Variants in DIP2C observed in about 807,000 individuals in gnomAD.
The protein encoded by DIP2C is disco-interacting protein 2 homolog C.
DIP2C carries 33 observed loss-of-function variants against 192.4 expected under a neutral mutation model. That is an observed-to-expected ratio of 0.17 (90% CI 0.13 to 0.23). DIP2C has a LOEUF of 0.23. DIP2C is among the 10% of genes least tolerant of loss of function. The pLI, the probability that DIP2C is intolerant of heterozygous loss-of-function variation, is 1.00. For synonymous variants in DIP2C, 979 were observed against 864.1 expected (o/e 1.13, Z -2.33); for missense variants, 1,537 against 2,110.1 (o/e 0.73, Z 5.32).
At chr10:374,907 A>G (rs1270563516) in intron 17 of DIP2C, among the ~76,000 whole-genome samples, 2 of 152,198 alleles carry the variant, frequency 1.3e-5, no homozygotes, top group East Asian at 3.9e-4. Context: ...ATCAACTTCC[A>G]AACTCAGTTC....
Position 666,199 on chromosome 10 carries a change from T to C in DIP2C, c.85+23295A>G, listed in dbSNP as rs1360311917. 6.6e-6 allele frequency: 1 copy of C among 152,204 alleles called. No homozygotes were observed. The highest frequency in any genetic ancestry group is 2.4e-5 in the African/African-American group (1 of 41,450). 9.4% of individuals were successfully genotyped at this position (152,204 alleles called of 1,614,324 possible). A position where few individuals can be genotyped will look rare whatever the true frequency, so the allele number is the denominator to read the frequency against. On this transcript the variant is annotated intron_variant, in intron 1 of 36. Transcript: ENST00000280886. This position sits in a 1 kb window ranked among gnomAD's most constrained non-coding sequence, Gnocchi z 4.1. ...TGTTTTCTCCGAACTGGCCTTATTATTATTAATTATTCCTTCAGCACCTAC... is the reference window on the plus strand; with the variant it reads ...TGTTTTCTCCGAACTGGCCTTATTACTATTAATTATTCCTTCAGCACCTAC...
At chr10:490,706 T>C (rs1469784192) in intron 1 of DIP2C, among the ~76,000 whole-genome samples, 1 of 152,238 alleles carries the variant, frequency 6.6e-6, no homozygotes, top group Non-Finnish European at 1.5e-5. Context: ...GCAGTAATTG[T>C]AACCTCAGTG....
intron 31 of DIP2C, among the ~76,000 whole-genome samples, chr10:321,315 T>C (rs1412358267): frequency 6.6e-6 from 1 of 152,182 alleles, no homozygotes; most frequent in African/African-American, 2.4e-5. Flanking sequence ...GTCATAACAC[T>C]CATGAACTGT....
At chr10:486,852 G>C (rs565635246) in intron 1 of DIP2C, among the ~76,000 whole-genome samples, 2 of 152,202 alleles carry the variant, frequency 1.3e-5, no homozygotes, top group African/African-American at 2.4e-5. Flanking sequence ...CCTGGTGGCC[G>C]GGGCTCTCGT....
intron 1 of DIP2C, among the ~76,000 whole-genome samples, chr10:565,159 C>T (rs1402320577): frequency 3.9e-5 from 6 of 152,138 alleles, no homozygotes; most frequent in East Asian, 3.9e-4. Flanking sequence ...ATCAGGGCCT[C>T]GAGTGAGCAC....
At chr10:441,693 A>T (rs1967749233) in intron 3 of DIP2C, among the ~76,000 whole-genome samples, 6 of 152,200 alleles carry the variant, frequency 3.9e-5, no homozygotes. Context: ...AGGCCTCCCC[A>T]GCCATGCGGA....
chr10:585,774 G>C (rs1259937948), intron 1 of DIP2C, among the ~76,000 whole-genome samples: 2 of 152,108 alleles, frequency 1.3e-5, no homozygotes, highest in Admixed American at 6.5e-5. Flanking sequence ...GATTGTGGCA[G>C]AACAAAGCTG....
At chr10:324,192 CACTG>C (rs768838798) in intron 31 of DIP2C, among the ~76,000 whole-genome samples, 33 of 152,226 alleles carry the variant, frequency 2.2e-4, no homozygotes, top group Non-Finnish European at 3.5e-4. Flanking sequence ...CCGTCCAACT[CACTG>C]ACTGTGAGAA....
intron 2 of DIP2C, among the ~76,000 whole-genome samples, 184 bp from the exon 3 acceptor site, chr10:472,733 G>A (rs1423110679): frequency 1.3e-5 from 2 of 152,176 alleles, no homozygotes; most frequent in African/African-American, 4.8e-5. Flanking sequence ...CCCACCGCCA[G>A]GGAGACCCCT....
chr10:488,755 T>C (rs1381333612), intron 1 of DIP2C, among the ~76,000 whole-genome samples: 4 of 152,206 alleles, frequency 2.6e-5, no homozygotes, highest in Non-Finnish European at 4.4e-5. Flanking sequence ...GTAGCTTGCG[T>C]GATGTCGTGG....
At chr10:337,200 G>A (rs1415075162) in intron 29 of DIP2C, among the ~76,000 whole-genome samples, 3 of 130,538 alleles carry the variant, frequency 2.3e-5, no homozygotes, top group African/African-American at 8.7e-5. Flanking sequence ...CTAGGCAGCT[G>A]TCTGTGTGTG....
chr10:545,605 C>T (rs571071079), intron 1 of DIP2C, among the ~76,000 whole-genome samples: 3 of 152,194 alleles, frequency 2.0e-5, no homozygotes, highest in African/African-American at 4.8e-5. Context: ...TGCACCTTGA[C>T]CCCAGGCTTC....
intron 17 of DIP2C, among the ~76,000 whole-genome samples, chr10:376,352 G>A (rs778771578): frequency 1.3e-4 from 20 of 152,136 alleles, no homozygotes; most frequent in Non-Finnish European, 2.4e-4. Context: ...CGACGGAGCC[G>A]GCACAGAGCA....
intron 6 of DIP2C, among the ~76,000 whole-genome samples, chr10:417,203 T>C (rs1184819259): frequency 6.6e-6 from 1 of 152,036 alleles, no homozygotes; most frequent in Admixed American, 6.5e-5. Context: ...GATGTCAGAA[T>C]TGCCTCAGGG....
chr10:674,830 A>AGAGAGAGAGG (rs1830818198), intron 1 of DIP2C, among the ~76,000 whole-genome samples: 1 of 144,878 alleles, frequency 6.9e-6, no homozygotes, highest in Non-Finnish European at 1.5e-5. Context: ...AGAGAGAGAG[A>AGAGAGAGAGG]CCAACACAAC....
chr10:554,410 T>C (rs557787772), intron 1 of DIP2C, among the ~76,000 whole-genome samples: 10 of 152,370 alleles, frequency 6.6e-5, no homozygotes, highest in South Asian at 2.1e-4. Flanking sequence ...ATCTGATCCT[T>C]ATTGTTTAGA....
chr10:346,722 A>G (rs1958491750), intron 26 of DIP2C, among the ~76,000 whole-genome samples: 2 of 141,358 alleles, frequency 1.4e-5, no homozygotes, highest in Non-Finnish European at 1.5e-5. Flanking sequence ...GTTCTCCCGG[A>G]AACGTCACAC....
chr10:282,104 T>A (rs1455614522), intron 35 of DIP2C: 1 of 159,740 alleles, frequency 6.3e-6, no homozygotes, highest in Non-Finnish European at 1.3e-5. Context: ...TTGGGCGCGT[T>A]CAGGGTGGTA....
rs778237403 is a variant in DIP2C, at chr10:277,457, G to A, written c.4539C>T (p.Ile1513=). The change falls in exon 37 of 37, where the codon ATC becomes ATT. Residue 1513 remains isoleucine, a synonymous_variant. Coordinates refer to ENST00000280886, the MANE Select transcript of DIP2C (RefSeq NM_014974.3). ...TGTCCACCACGACCACCACTCCGACGATCAGGTAGTGCTCCTCCAGGACCA... is the reference window on the plus strand; with the variant it reads ...TGTCCACCACGACCACCACTCCGACAATCAGGTAGTGCTCCTCCAGGACCA... ...TNVVLEEHYL[I]VGVVVVVDIG... The A allele has an allele frequency of 8.7e-6, 14 of 1,614,154 alleles. No homozygotes were observed. Among genetic ancestry groups the A allele is most frequent in the Admixed American group, 8.3e-5 (5 of 60,016 alleles).
Sources: allele counts gnomAD v4.1 joint callset (sites outside exome capture counted in the v4.1 genomes callset), GRCh38; gene constraint gnomAD v4.1.1; non-coding constraint Gnocchi (gnomAD v3.1); transcripts MANE v1.5; gene names NCBI Gene and HGNC (gene_info 2026-07-23, HGNC 2026-07-21).